Variants in WDR37 observed in about 807,000 individuals in gnomAD.
The protein encoded by WDR37 is WD repeat domain 37.
WDR37 carries 19 observed loss-of-function variants against 62.9 expected under a neutral mutation model. That is an observed-to-expected ratio of 0.30 (90% CI 0.21 to 0.44). The LOEUF is 0.44. Among genes scored for constraint, WDR37 ranks in the 20% least tolerant of loss-of-function variants. The pLI is 1.00. For missense variants in WDR37, 474 were observed against 657.6 expected (o/e 0.72, Z 3.05); for synonymous variants, 250 against 260.9 (o/e 0.96, Z 0.40).
intron 9 of WDR37, among the ~76,000 whole-genome samples, chr10:1,102,274 C>T (rs1156752509): frequency 1.3e-5 from 2 of 151,888 alleles, no homozygotes; most frequent in Non-Finnish European, 2.9e-5. Flanking sequence ...CGTGCGTTCC[C>T]GTGCCGCTGT....
At chr10:1,122,398 A>AG (rs1241842165) in intron 11 of WDR37, among the ~76,000 whole-genome samples, 1 of 152,140 alleles carries the variant, frequency 6.6e-6, no homozygotes, top group African/African-American at 2.4e-5. Flanking sequence ...GAGACAGTGT[A>AG]GGGGTCAAGC....
intron 1 of WDR37, among the ~76,000 whole-genome samples, chr10:1,060,437 T>G (rs1479910977): frequency 3.9e-5 from 6 of 152,220 alleles, no homozygotes; most frequent in African/African-American, 1.4e-4. Context: ...AGGGGACTAT[T>G]TATAGTTTCT....
intron 1 of WDR37, among the ~76,000 whole-genome samples, chr10:1,071,812 G>C (rs1347160229): frequency 6.6e-6 from 1 of 152,202 alleles, no homozygotes; most frequent in African/African-American, 2.4e-5. Context: ...TCCCTCGGGG[G>C]AGTAGACTGT....
chr10:1,116,282 C>G (rs969031074), intron 11 of WDR37, among the ~76,000 whole-genome samples: 14 of 151,642 alleles, frequency 9.2e-5, no homozygotes, highest in African/African-American at 3.4e-4. Flanking sequence ...CACCCCGCCC[C>G]GGGTCTCTGC....
chr10:1,081,977 G>A (rs1255871759), intron 5 of WDR37, among the ~76,000 whole-genome samples: 1 of 152,108 alleles, frequency 6.6e-6, no homozygotes, highest in Non-Finnish European at 1.5e-5. Flanking sequence ...TTTAAAAAAT[G>A]TATTAGAGAT....
chr10:1,083,517 T>C (rs953681233), intron 5 of WDR37, among the ~76,000 whole-genome samples: 1 of 152,254 alleles, frequency 6.6e-6, no homozygotes, highest in Non-Finnish European at 1.5e-5. Flanking sequence ...ACTTAGTTTT[T>C]TTGTTTTATT....
intron 1 of WDR37, among the ~76,000 whole-genome samples, chr10:1,060,856 G>T (rs146540156): frequency 1.5e-3 from 221 of 152,284 alleles, no homozygotes; most frequent in African/African-American, 5.1e-3. Context: ...ATACCATTGT[G>T]TTACAGTTGT....
intron 6 of WDR37, 25 bp downstream of exon 6, chr10:1,084,563 G>A: frequency 1.2e-6 from 2 of 1,604,578 alleles, no homozygotes; most frequent in Non-Finnish European, 1.7e-6. Flanking sequence ...GACCTGGCCA[G>A]CCTGCGGAAG....
chr10:1,126,206 C>T (rs1390399265), intron 13 of WDR37, among the ~76,000 whole-genome samples: 2 of 152,048 alleles, frequency 1.3e-5, no homozygotes, highest in Non-Finnish European at 2.9e-5. Flanking sequence ...GAGATCGAGA[C>T]CATCCTGACT....
intron 9 of WDR37, among the ~76,000 whole-genome samples, chr10:1,098,689 C>T (rs1244109692): frequency 6.6e-6 from 1 of 152,256 alleles, no homozygotes; most frequent in African/African-American, 2.4e-5. Flanking sequence ...TGCCACACAC[C>T]GGAAGAGGGG....
intron 1 of WDR37, among the ~76,000 whole-genome samples, chr10:1,067,354 CAG>C (rs1833585025): frequency 6.6e-6 from 1 of 152,048 alleles, no homozygotes; most frequent in South Asian, 2.1e-4. Context: ...TCAGGAGAAA[CAG>C]GAGAAAATGT....
chr10:1,093,875 A>C (rs1834481630), intron 8 of WDR37, among the ~76,000 whole-genome samples: 1 of 152,222 alleles, frequency 6.6e-6, no homozygotes, highest in Non-Finnish European at 1.5e-5. Flanking sequence ...GAAAAGTAGC[A>C]CAGAGACACA....
chr10:1,100,917 C>T (rs1020573282), intron 9 of WDR37, among the ~76,000 whole-genome samples: 1 of 152,200 alleles, frequency 6.6e-6, no homozygotes, highest in South Asian at 2.1e-4. Context: ...CCCCCCGTCC[C>T]GACTGAGCTG....
At chr10:1,124,404 T>G (rs1286587489) in intron 12 of WDR37, 52 bp downstream of exon 12, 2 of 1,607,350 alleles carry the variant, frequency 1.2e-6, no homozygotes, top group Admixed American at 1.7e-5. Context: ...GTGAAAGGAT[T>G]GATTGTGATT....
rs1198672586 is a variant in WDR37 at position 1,103,107 on chromosome 10, C to T, written c.727-495C>T. ...TGTTTGTTTTAGCCTTGGCCTTTGA[C>T]AGGGGGCTTGATGTTACAAAGGAAA... On this transcript the variant is annotated intron_variant, in intron 9 of 13. Transcript: ENST00000263150. This position sits in a 1 kb window ranked among gnomAD's most constrained non-coding sequence, Gnocchi z 6.3. 6.6e-6 allele frequency among the ~76,000 whole-genome samples: 1 copy of T among 152,130 alleles called. No individual in the cohort carries two copies. Among genetic ancestry groups the T allele is most frequent in the Non-Finnish European group, 1.5e-5 (1 of 68,018 alleles).
At chr10:1,065,052 A>G (rs1205048278) in intron 1 of WDR37, among the ~76,000 whole-genome samples, 2 of 152,240 alleles carry the variant, frequency 1.3e-5, no homozygotes, top group African/African-American at 4.8e-5. Flanking sequence ...TATGAAAATA[A>G]CAAATAAAGG....
At chr10:1,115,343 C>CA in intron 11 of WDR37, among the ~76,000 whole-genome samples, 1 of 152,276 alleles carries the variant, frequency 6.6e-6, no homozygotes, top group African/African-American at 2.4e-5. Flanking sequence ...TCTAACCAAA[C>CA]AAAATTTTAA....
intron 3 of WDR37, among the ~76,000 whole-genome samples, chr10:1,079,391 A>G (rs1348883082): frequency 6.7e-6 from 1 of 150,304 alleles, no homozygotes; most frequent in African/African-American, 2.5e-5. Flanking sequence ...AGCCCAGAAT[A>G]ATGTTTTTAA....
chr10:1,079,529 GTTTC>G (rs749775216), intron 3 of WDR37, among the ~76,000 whole-genome samples: 17 of 151,568 alleles, frequency 1.1e-4, no homozygotes, highest in African/African-American at 3.9e-4. Context: ...ATCTCTAATG[GTTTC>G]TTTCTTTCTT....
Sources: gnomAD v4.1 joint callset for allele counts (sites outside exome capture counted in the v4.1 genomes callset) on GRCh38, gnomAD v4.1.1 for gene constraint, Gnocchi (gnomAD v3.1) non-coding constraint, MANE v1.5 for transcripts, NCBI Gene and HGNC (gene_info 2026-07-23, HGNC 2026-07-21) for gene names.